ABHD17C: variants seen among roughly 807,000 people sequenced by gnomAD.
ABHD17C encodes the protein alpha/beta hydrolase domain-containing protein 17C.
ABHD17C carries 11 observed loss-of-function variants against 27.9 expected under a neutral mutation model. The observed-to-expected ratio is 0.39, with a 90% confidence interval of 0.25 to 0.65. The LOEUF (loss-of-function observed/expected upper bound fraction) is 0.65. Among genes scored for constraint, ABHD17C ranks in the 30% least tolerant of loss-of-function variants. The probability of loss-of-function intolerance (pLI) is 0.45; values close to 1 mark genes in which losing one functional copy is unlikely to be tolerated. For synonymous variants in ABHD17C, 233 were observed against 209.1 expected (o/e 1.11, Z -0.98); for missense variants, 280 against 470.2 (o/e 0.60, Z 3.74).
chr15:80,709,581 G>A (rs1214175569), intron 1 of ABHD17C, among the ~76,000 whole-genome samples: 2 of 151,684 alleles, frequency 1.3e-5, no homozygotes, highest in South Asian at 2.1e-4. Flanking sequence ...TCGAAGACTC[G>A]CACATCTGGA....
intron 1 of ABHD17C, among the ~76,000 whole-genome samples, chr15:80,712,602 GTTC>G (rs1894742594): frequency 6.6e-6 from 1 of 152,232 alleles, no homozygotes; most frequent in Non-Finnish European, 1.5e-5. Context: ...GGGAATGTTT[GTTC>G]TTCTTGTGGT....
intron 1 of ABHD17C, among the ~76,000 whole-genome samples, chr15:80,697,631 T>G (rs1485143376): frequency 1.3e-5 from 2 of 152,130 alleles, no homozygotes; most frequent in Non-Finnish European, 2.9e-5. Context: ...GGAAACTTTT[T>G]TTTTTTTGGT....
At chr15:80,705,366 T>TGTGTGTGTGG (rs1300324609) in intron 1 of ABHD17C, among the ~76,000 whole-genome samples, 2 of 150,680 alleles carry the variant, frequency 1.3e-5, no homozygotes, top group Admixed American at 6.6e-5. Context: ...TGTGTGTGTG[T>TGTGTGTGTGG]GGTTAGGAGC....
Position 80,714,097 on chromosome 15 carries a change from G to T in ABHD17C, c.590+18078G>T, listed in dbSNP as rs139758087. ...GCCTCCTGAGTAGCTGGGACTACAG[G>T]TGCAGGGCACCTCACCTGGCTAATT... On this transcript the variant is annotated intron_variant, in intron 1 of 2. Transcript: ENST00000258884. Among the ~76,000 whole-genome samples the T allele has an allele frequency of 1.5e-4, 23 of 152,266 alleles. No homozygotes were observed. In the East Asian group the frequency reaches 3.3e-3, roughly 22 times the overall value.
At chr15:80,717,414 GAGAC>G (rs1894820407) in intron 1 of ABHD17C, among the ~76,000 whole-genome samples, 1 of 86,172 alleles carries the variant, frequency 1.2e-5, no homozygotes, top group African/African-American at 4.3e-5. Context: ...TTTTTTTTTT[GAGAC>G]AGACTCAATT....
chr15:80,724,425 G>A (rs530742204), intron 1 of ABHD17C, among the ~76,000 whole-genome samples: 5 of 152,148 alleles, frequency 3.3e-5, no homozygotes, highest in Non-Finnish European at 5.9e-5. Flanking sequence ...GCAGAAAATC[G>A]GCAGTGTAAT....
intron 1 of ABHD17C, among the ~76,000 whole-genome samples, chr15:80,726,140 G>A (rs998203519): frequency 6.6e-6 from 1 of 152,238 alleles, no homozygotes; most frequent in Non-Finnish European, 1.5e-5. Context: ...ACTGCAGCAG[G>A]AGCATGTCCT....
At chr15:80,727,245 C>G (rs1483427866) in intron 1 of ABHD17C, among the ~76,000 whole-genome samples, 1 of 152,134 alleles carries the variant, frequency 6.6e-6, no homozygotes, top group Non-Finnish European at 1.5e-5. Context: ...TAGGGTCACT[C>G]AGTAGTTTAG....
At chr15:80,748,811 G>A (rs188336157) in intron 1 of ABHD17C, among the ~76,000 whole-genome samples, 1 of 151,372 alleles carries the variant, frequency 6.6e-6, no homozygotes, top group East Asian at 1.9e-4. Flanking sequence ...TGACCTGGAG[G>A]TTGCTCGTGT....
intron 1 of ABHD17C, among the ~76,000 whole-genome samples, chr15:80,698,361 G>A (rs1301618166): frequency 6.6e-6 from 1 of 151,996 alleles, no homozygotes; most frequent in Non-Finnish European, 1.5e-5. Flanking sequence ...ACCGCGCCTG[G>A]CCTATTTCAC....
At chr15:80,719,203 A>T (rs988736858) in intron 1 of ABHD17C, among the ~76,000 whole-genome samples, 1 of 152,056 alleles carries the variant, frequency 6.6e-6, no homozygotes, top group African/African-American at 2.4e-5. Context: ...CTTCCTCTTG[A>T]CTCCTAATAA....
At chr15:80,738,064 G>A (rs1895158036) in intron 1 of ABHD17C, among the ~76,000 whole-genome samples, 1 of 152,034 alleles carries the variant, frequency 6.6e-6, no homozygotes, top group Admixed American at 6.6e-5. Context: ...AGAATTGGAA[G>A]GAAAACAGGT....
intron 2 of ABHD17C, among the ~76,000 whole-genome samples, chr15:80,751,492 A>G (rs1895366089): frequency 6.6e-6 from 1 of 152,236 alleles, no homozygotes; most frequent in African/African-American, 2.4e-5. Flanking sequence ...CTGTAATGCC[A>G]GCACTTTTTG....
At chr15:80,740,012 G>T (rs1286098648) in intron 1 of ABHD17C, among the ~76,000 whole-genome samples, 2 of 152,108 alleles carry the variant, frequency 1.3e-5, no homozygotes, top group Non-Finnish European at 2.9e-5. Context: ...CTACTGCCTG[G>T]TCAGTGCCTG....
At chr15:80,716,097 G>T (rs1002580932) in intron 1 of ABHD17C, among the ~76,000 whole-genome samples, 1 of 152,188 alleles carries the variant, frequency 6.6e-6, no homozygotes, top group Non-Finnish European at 1.5e-5. Flanking sequence ...TAGACAGGGA[G>T]TCAAAATCTT....
chr15:80,704,291 A>G (rs1201373002), intron 1 of ABHD17C, among the ~76,000 whole-genome samples: 3 of 152,058 alleles, frequency 2.0e-5, no homozygotes, highest in Non-Finnish European at 4.4e-5. Flanking sequence ...TCCTGTCCAC[A>G]TGCCTGTCCC....
chr15:80,714,854 A>G (rs959440718), intron 1 of ABHD17C, among the ~76,000 whole-genome samples: 8 of 152,250 alleles, frequency 5.3e-5, no homozygotes, highest in Admixed American at 3.3e-4. Flanking sequence ...TCAGAAATAC[A>G]GTATCTGAGC....
At chr15:80,731,643 G>A (rs1355402384) in intron 1 of ABHD17C, among the ~76,000 whole-genome samples, 2 of 146,062 alleles carry the variant, frequency 1.4e-5, no homozygotes, top group Non-Finnish European at 3.0e-5. Context: ...TTAGTGACAC[G>A]TATATTTTTA....
intron 2 of ABHD17C, 76 bp from the exon 3 acceptor site, chr15:80,754,075 A>T: frequency 8.7e-7 from 1 of 1,154,564 alleles, no homozygotes; most frequent in Non-Finnish European, 1.3e-6. Context: ...TTAACTTATC[A>T]TTAAATGTGA....
Sources: allele counts gnomAD v4.1 joint callset (sites outside exome capture counted in the v4.1 genomes callset), GRCh38; gene constraint gnomAD v4.1.1; transcripts MANE v1.5; gene names NCBI Gene and HGNC (gene_info 2026-07-23, HGNC 2026-07-21).